The following RRP1 variants were observed in gnomAD, a reference collection of about 807,000 sequenced individuals.
RRP1 encodes the protein ribosomal RNA processing protein 1 homolog A.
Under a neutral mutation model 54.6 loss-of-function variants are expected in RRP1, and 37 were observed. The observed-to-expected ratio is 0.68, with a 90% CI of 0.52 to 0.89. The LOEUF is 0.89. Among genes scored for constraint, RRP1 ranks in the 40% least tolerant of loss-of-function variants. The pLI is 0.00. For synonymous variants in RRP1, 262 were observed against 244.3 expected (o/e 1.07, Z -0.67); for missense variants, 639 against 612.5 (o/e 1.04, Z -0.46).
intron 8 of RRP1, 135 bp downstream of exon 8, chr21:43,798,235 C>G (rs2085044683): frequency 1.4e-6 from 1 of 738,442 alleles, no homozygotes; most frequent in African/African-American, 1.8e-5. Context: ...CCATCCTCAG[C>G]ATAGAAGCCA....
Position 43,798,001 on chromosome 21 carries a change from A to C in RRP1, c.712A>C (p.Thr238Pro). 6.2e-7 allele frequency: 1 copy of C among 1,614,196 alleles called. No homozygotes were observed. Among genetic ancestry groups the C allele is most frequent in the South Asian group, 1.1e-5 (1 of 91,088 alleles). The change falls in exon 8 of 13, where the codon ACA becomes CCA. Residue 238 changes from threonine to proline, a missense_variant. Coordinates refer to ENST00000497547, the MANE Select transcript of RRP1 (RefSeq NM_003683.6). The stretch of plus-strand genomic sequence containing the variant: ...TGAAGACCTCCTGAATGAACTGGAC[A>C]CACAGGATGAGGAGGTGGCGTCGGA... ...AIEDLLNELD[T>P]QDEEVASDSD...
chr21:43,800,892 G>A lies in RRP1; in HGVS notation c.1009+11G>A, dbSNP rs758175650. The A allele has an allele frequency of 8.7e-6, 14 of 1,613,552 alleles. No homozygotes were observed. Among genetic ancestry groups the A allele is most frequent in the Non-Finnish European group, 1.2e-5 (14 of 1,180,020 alleles). ...AGGACCTGGCAGGAGGTGAGGATCG[G>A]CCGGGCACTGACAGTGGCACCACCT... On this transcript the variant is annotated intron_variant, in intron 11 of 12. Coordinates refer to ENST00000497547, the MANE Select transcript of RRP1 (RefSeq NM_003683.6).
In RRP1 at chr21:43,805,137, G is replaced by A. The variant is rs893892230; in HGVS notation, c.*1363G>A. 3.9e-5 allele frequency: 6 copies of A among 152,348 alleles called. No individual in the cohort carries two copies. The highest frequency in any genetic ancestry group is 1.2e-4 in the African/African-American group (5 of 41,444). 9.4% of individuals were successfully genotyped at this position (152,348 alleles called of 1,614,324 possible). A position where few individuals can be genotyped will look rare whatever the true frequency, so the allele number is the denominator to read the frequency against. ...TACTAAAATACAAAATTAGCCAGGC[G>A]TGGTGGCACATGCCTGTAATCCCAG... On this transcript the variant is annotated 3_prime_UTR_variant, in exon 13 of 13. Transcript: ENST00000497547.
intron 2 of RRP1, among the ~76,000 whole-genome samples, chr21:43,791,869 G>A (rs970469384): frequency 2.6e-5 from 4 of 152,096 alleles, no homozygotes; most frequent in African/African-American, 7.2e-5. Flanking sequence ...CGCTTGGTTC[G>A]GCACGGCTGG....
In RRP1 at chr21:43,795,174, C is replaced by G. The variant is rs2838373; in HGVS notation, c.361-15C>G. The G allele has an allele frequency of 0.19, 299,736 of 1,610,612 alleles. 30,826 individuals are homozygous for G. The highest frequency in any genetic ancestry group is 0.32 in the African/African-American group (23,811 of 74,760). On this transcript the variant is annotated splice_polypyrimidine_tract_variant and intron_variant, in intron 4 of 12. Coordinates refer to ENST00000497547, the MANE Select transcript of RRP1 (RefSeq NM_003683.6). ...GCTGGGCTTCTGCTAATGCCAACCT[C>G]CTTCTGTGTCAAAGCTCATGCGGAT...
At position 43,789,686 on chromosome 21, in the gene RRP1, G is replaced by A. The variant is rs769307868; in HGVS notation, c.57G>A (p.Gly19=). The A allele has an allele frequency of 4.6e-5, 72 of 1,567,462 alleles. No homozygotes were observed. Among genetic ancestry groups the A allele is most frequent in the Non-Finnish European group, 6.0e-5 (70 of 1,157,658 alleles). ...TCCAGCTGGCTCAGCGCCTGGCGGG[G>A]AATGAGCAGGTGACCCGGGACCGGG... ...PEIQLAQRLA[G]NEQVTRDRAV... Residue 19 remains glycine, a synonymous_variant, in exon 1 of 13, where the codon GGG becomes GGA. Coordinates refer to ENST00000497547, the MANE Select transcript of RRP1 (RefSeq NM_003683.6).
intron 1 of RRP1, 91 bp downstream of exon 1, chr21:43,789,853 G>T (rs778796403): frequency 2.6e-5 from 36 of 1,373,606 alleles, no homozygotes; most frequent in Non-Finnish European, 1.0e-5. Context: ...GGCCCTCCGA[G>T]CCCTGTGGAA....
intron 8 of RRP1, 102 bp from the exon 9 acceptor site, chr21:43,799,468 G>T: frequency 8.0e-7 from 1 of 1,242,294 alleles, no homozygotes; most frequent in Non-Finnish European, 1.2e-6. Context: ...GCCTGTGCCC[G>T]TGCTCCGACC....
At chr21:43,791,224 C>G in intron 1 of RRP1, 126 bp from the exon 2 acceptor site, 1 of 930,490 alleles carries the variant, frequency 1.1e-6, no homozygotes. Context: ...CCAGATTCTG[C>G]CCCCCAGTTG....
chr21:43,795,093 G>C, intron 4 of RRP1, 96 bp from the exon 5 acceptor site: 1 of 1,208,254 alleles, frequency 8.3e-7, no homozygotes, highest in South Asian at 1.2e-5. Context: ...CCACGGCCAT[G>C]ACTTTATCCT....
intron 11 of RRP1, among the ~76,000 whole-genome samples, chr21:43,801,196 T>C (rs2085086341): frequency 1.3e-5 from 2 of 152,208 alleles, no homozygotes; most frequent in South Asian, 4.1e-4. Context: ...ACGTCTGTTC[T>C]TGGCAGCGCG....
chr21:43,792,062 C>T (rs66850181), intron 2 of RRP1, among the ~76,000 whole-genome samples: 7,887 of 152,286 alleles, frequency 0.052, 272 homozygotes, highest in South Asian at 0.15. Flanking sequence ...GAGACAAGGA[C>T]GTCTCCTGCT....
intron 10 of RRP1, 93 bp downstream of exon 10, chr21:43,800,707 T>C: frequency 6.6e-7 from 1 of 1,508,516 alleles, no homozygotes; most frequent in Non-Finnish European, 9.2e-7. Flanking sequence ...CCTGGGCCCT[T>C]CCGCAGCCCC....
At chr21:43,792,638 G>A (rs368081029) in intron 2 of RRP1, 34 bp from the exon 3 acceptor site, 2 of 1,611,744 alleles carry the variant, frequency 1.2e-6, no homozygotes, top group Non-Finnish European at 1.7e-6. Context: ...TGGTGCTTCA[G>A]GGGCTGAGGG....
rs5844163 is a variant in RRP1, at chr21:43,804,099, AG to A, written c.*329del. ...AATAAAATGCCGCGCAGCCCTTGCC[AG>A]GGGAAGTGTCGCTTCAGGTGTGTCC... On this transcript the variant is annotated 3_prime_UTR_variant, in exon 13 of 13. Coordinates refer to ENST00000497547, the MANE Select transcript of RRP1 (RefSeq NM_003683.6). This position sits in a 1 kb window ranked among gnomAD's most constrained non-coding sequence, Gnocchi z 4.3. 1 allele frequency: 300,769 copies of A among 300,770 alleles called. 150,384 individuals carry two copies. The highest frequency in any genetic ancestry group is 1 in the Middle Eastern group (1,072 of 1,072). 18.6% of individuals were successfully genotyped at this position (300,770 alleles called of 1,614,324 possible).
At chr21:43,790,938 C>G (rs766167227) in intron 1 of RRP1, 1 of 448,376 alleles carries the variant, frequency 2.2e-6, no homozygotes, top group Non-Finnish European at 4.5e-6. Flanking sequence ...AGTTCACTTT[C>G]TTCTTTTAGT....
At chr21:43,802,901 C>T (rs1303670893) in intron 12 of RRP1, among the ~76,000 whole-genome samples, 1 of 152,264 alleles carries the variant, frequency 6.6e-6, no homozygotes, top group Non-Finnish European at 1.5e-5. Flanking sequence ...CCACTCAGGG[C>T]CTGGAGCTGC....
At chr21:43,791,741 T>C (rs1351728487) in intron 2 of RRP1, among the ~76,000 whole-genome samples, 1 of 152,126 alleles carries the variant, frequency 6.6e-6, no homozygotes, top group East Asian at 1.9e-4. Context: ...TGAGCTCAAG[T>C]GATCCTCCCA....
At position 43,793,335 on chromosome 21, in the gene RRP1, G is replaced by C. The variant is rs768772947; in HGVS notation, c.291G>C (p.Gln97His). ...CTTCTCCAGAGCACCTGTTCCTTCAGGCCTTCTGGCAGACCATGAATCGCG... is the reference window on the plus strand; with the variant it reads ...CTTCTCCAGAGCACCTGTTCCTTCACGCCTTCTGGCAGACCATGAATCGCG... ...QTTEAQHLFLQAFWQTMNREW... is the reference protein window; with the variant it reads ...QTTEAQHLFLHAFWQTMNREW... The change falls in exon 4 of 13, where the codon CAG (glutamine) becomes CAC (histidine). Residue 97 changes from glutamine to histidine, a missense_variant. Physicochemically the swap from Gln to His is conservative, Grantham distance 24 (BLOSUM62 0). Transcript: ENST00000497547. 2.4e-5 allele frequency: 39 copies of C among 1,614,038 alleles called. No individual in the cohort carries two copies. The East Asian group carries it at 5.1e-4, about 21-fold the overall frequency.
Sources: gnomAD v4.1 joint callset for allele counts (sites outside exome capture counted in the v4.1 genomes callset) on GRCh38, gnomAD v4.1.1 for gene constraint, Gnocchi (gnomAD v3.1) non-coding constraint, MANE v1.5 for transcripts, NCBI Gene and HGNC (gene_info 2026-07-23, HGNC 2026-07-21) for gene names.